NOX4: variants seen among roughly 807,000 people sequenced by gnomAD.
NOX4 encodes the protein kidney oxidase-1.
NOX4 carries 69 observed loss-of-function variants against 87.6 expected under a neutral mutation model. The observed-to-expected ratio is 0.79, with a 90% CI of 0.65 to 0.96. The LOEUF (loss-of-function observed/expected upper bound fraction) is 0.96, where lower values mean the gene tolerates loss of function less well. Ranked by LOEUF, NOX4 falls within the 40% of genes least tolerant of loss-of-function variation. NOX4 has a pLI of 0.00. For synonymous variants in NOX4, 275 were observed against 238.2 expected (o/e 1.15, Z -1.42); for missense variants, 680 against 681.5 (o/e 1.00, Z 0.02).
At chr11:89,563,576 G>GT in the NOX4 span, among the ~76,000 whole-genome samples, 9 of 152,160 alleles carry the variant, frequency 5.9e-5, no homozygotes, top group East Asian at 7.7e-4. Flanking sequence ...AGAAAAACAT[G>GT]TTTTTTTAAT....
rs370001143 is a variant in NOX4 at position 89,489,471 on chromosome 11, T to C, written c.153+987A>G. ...AGCCGGGCATGGTGGCTCACGCCTG[T>C]AATTTCAGCACTGTGGGAGGCTGAG... On this transcript the variant is annotated intron_variant, in intron 2 of 17. Transcript: ENST00000263317. 1.4e-3 allele frequency among the ~76,000 whole-genome samples: 209 copies of C among 152,228 alleles called. 2 individuals are homozygous for C. The South Asian group carries it at 0.014, about 10-fold the overall frequency.
intron 2 of NOX4, among the ~76,000 whole-genome samples, chr11:89,483,571 A>G (rs1390954637): frequency 6.9e-6 from 1 of 145,736 alleles, no homozygotes; most frequent in African/African-American, 2.5e-5. Context: ...TTACAGAAGT[A>G]GAGAGTAGAA....
the NOX4 span, among the ~76,000 whole-genome samples, chr11:89,544,053 A>G: frequency 6.6e-6 from 1 of 152,098 alleles, no homozygotes; most frequent in African/African-American, 2.4e-5. Flanking sequence ...TAGAAGTAAT[A>G]GAAGCCATTT....
At chr11:89,563,700 T>G in the NOX4 span, among the ~76,000 whole-genome samples, 3 of 152,188 alleles carry the variant, frequency 2.0e-5, no homozygotes, top group Non-Finnish European at 4.4e-5. Context: ...ATTTTGAACA[T>G]GTAATTTTAA....
At chr11:89,422,050 C>T (rs1206601628) in intron 7 of NOX4, 68 bp from the exon 8 acceptor site, 5 of 821,516 alleles carry the variant, frequency 6.1e-6, no homozygotes, top group Non-Finnish European at 9.5e-6. Flanking sequence ...ATCAAAAATA[C>T]CATGTATCAT....
the NOX4 span, among the ~76,000 whole-genome samples, chr11:89,518,760 T>C: frequency 2.6e-5 from 4 of 152,102 alleles, no homozygotes; most frequent in Non-Finnish European, 5.9e-5. Context: ...TGGTCCTTAA[T>C]GAACCATGTG....
intron 2 of NOX4, among the ~76,000 whole-genome samples, chr11:89,467,384 T>C (rs1290819037): frequency 6.7e-6 from 1 of 149,732 alleles, no homozygotes; most frequent in Admixed American, 6.6e-5. Context: ...AAAATTTGTC[T>C]TTATCTTTTT....
At chr11:89,584,242 C>CATAAACCAATAGAACCATGGGA in the NOX4 span, among the ~76,000 whole-genome samples, 1 of 152,022 alleles carries the variant, frequency 6.6e-6, no homozygotes, top group Non-Finnish European at 1.5e-5. Flanking sequence ...TTATCTAGGC[C>CATAAACCAATAGAACCATGGGA]TTAAATGAAA....
At chr11:89,366,686 C>G (rs1289349179) in intron 12 of NOX4, among the ~76,000 whole-genome samples, 1 of 122,220 alleles carries the variant, frequency 8.2e-6, no homozygotes, top group African/African-American at 3.6e-5. Context: ...AGACCTGTCT[C>G]TAAAAACTGA....
intron 13 of NOX4, among the ~76,000 whole-genome samples, chr11:89,343,896 TG>T (rs796621315): frequency 9.2e-5 from 14 of 152,182 alleles, no homozygotes; most frequent in African/African-American, 3.4e-4. Context: ...TCTTCCTCCC[TG>T]ACCCACTCAA....
the NOX4 span, among the ~76,000 whole-genome samples, chr11:89,567,777 A>G: frequency 6.6e-6 from 1 of 152,188 alleles, no homozygotes; most frequent in Non-Finnish European, 1.5e-5. Context: ...GCCAAAACAT[A>G]TCACCCAGTA....
the NOX4 span, among the ~76,000 whole-genome samples, chr11:89,547,849 G>A: frequency 6.6e-6 from 1 of 152,054 alleles, no homozygotes; most frequent in African/African-American, 2.4e-5. Flanking sequence ...GCTATATCAT[G>A]CAGCAATAGA....
intron 11 of NOX4, among the ~76,000 whole-genome samples, chr11:89,393,598 A>T (rs997368019): frequency 6.6e-6 from 1 of 152,164 alleles, no homozygotes; most frequent in African/African-American, 2.4e-5. Context: ...CAATAATCCA[A>T]GTTAAAACCA....
chr11:89,387,085 G>A (rs1433815178), intron 11 of NOX4, among the ~76,000 whole-genome samples: 6 of 151,918 alleles, frequency 3.9e-5, no homozygotes, highest in Non-Finnish European at 8.8e-5. Context: ...AAGCAGCCCT[G>A]AGAAACATCG....
rs1296171597 is a variant in NOX4, at chr11:89,491,263, C to T, written c.-17G>A. 1 of 1,611,250 alleles carries T rather than the reference C, an allele frequency of 6.2e-7. No homozygotes were observed. Among genetic ancestry groups the T allele is most frequent in the Non-Finnish European group, 8.5e-7 (1 of 1,178,758 alleles). ...CACAGCCATGCCGCCGGCCCCGCCG[C>T]GCTGCGCTCTGTGCCCGCCGGACCG... On this transcript the variant is annotated 5_prime_UTR_variant, in exon 1 of 18. Transcript: ENST00000263317.
the NOX4 span, among the ~76,000 whole-genome samples, chr11:89,513,535 A>T: frequency 6.6e-6 from 1 of 152,180 alleles, no homozygotes; most frequent in Non-Finnish European, 1.5e-5. Context: ...TAAGCAAAAT[A>T]ATCTTTGCAA....
chr11:89,404,876 T>G (rs888871447), intron 8 of NOX4, among the ~76,000 whole-genome samples: 1 of 152,070 alleles, frequency 6.6e-6, no homozygotes, highest in Non-Finnish European at 1.5e-5. Flanking sequence ...AACAAAATAA[T>G]CATACAAGGT....
At chr11:89,334,819 T>G (rs1945627733) in intron 17 of NOX4, among the ~76,000 whole-genome samples, 1 of 151,636 alleles carries the variant, frequency 6.6e-6, no homozygotes, top group South Asian at 2.1e-4. Context: ...TGCAGAAGTA[T>G]GATTAGGATT....
In NOX4 at chr11:89,426,808, C is replaced by T. The variant is rs149015879; in HGVS notation, c.549-4826G>A. ...TCCACCTCGGGGGGCAGGGCATAGC[C>T]GAACAAAAGGCAGCAGAAACCTCTG... is the stretch of plus-strand genomic sequence containing the variant. On this transcript the variant is annotated intron_variant, in intron 7 of 17. Transcript: ENST00000263317. 5.2e-3 allele frequency among the ~76,000 whole-genome samples: 786 copies of T among 152,198 alleles called. 9 individuals are homozygous for T. The highest frequency in any genetic ancestry group is 0.018 in the African/African-American group (743 of 41,536).
Sources: allele counts gnomAD v4.1 joint callset (sites outside exome capture counted in the v4.1 genomes callset), GRCh38; gene constraint gnomAD v4.1.1; transcripts MANE v1.5; gene names NCBI Gene and HGNC (gene_info 2026-07-23, HGNC 2026-07-21).